The following DACH2 variants were observed in gnomAD, a reference collection of about 807,000 sequenced individuals.
The protein encoded by DACH2 is dachshund family transcription factor 2.
DACH2 carries 17 observed loss-of-function variants against 35.8 expected under a neutral mutation model. The observed-to-expected ratio is 0.48, with a 90% CI of 0.33 to 0.71. DACH2 has a LOEUF of 0.71. Among genes scored for constraint, DACH2 ranks in the 30% least tolerant of loss-of-function variants. The pLI, the probability that DACH2 is intolerant of heterozygous loss-of-function variation, is 0.02. For synonymous variants in DACH2, 195 were observed against 177.3 expected (o/e 1.10, Z -0.79); for missense variants, 469 against 472.7 (o/e 0.99, Z 0.07).
At chrX:86,246,268 T>G (rs2033281560) in intron 1 of DACH2, among the ~76,000 whole-genome samples, 1 of 73,225 alleles carries the variant, frequency 1.4e-5, no homozygotes, top group African/African-American at 6.9e-5. Flanking sequence ...CATGAAAAAT[T>G]TCCCAAACTT....
chrX:86,247,879 G>A (rs1339630547), intron 1 of DACH2, among the ~76,000 whole-genome samples: 1 of 111,278 alleles, frequency 9.0e-6, no homozygotes, highest in Non-Finnish European at 1.9e-5. Context: ...ATGCAAGGTT[G>A]GCTCAACCTA....
intron 4 of DACH2, among the ~76,000 whole-genome samples, chrX:86,679,657 T>A (rs1277322966): frequency 1.0e-5 from 1 of 99,113 alleles, no homozygotes; most frequent in Non-Finnish European, 2.1e-5. Context: ...TGTGTGTGTG[T>A]GTATTCCCAA....
intron 2 of DACH2, among the ~76,000 whole-genome samples, chrX:86,458,844 G>A (rs1181024148): frequency 9.0e-6 from 1 of 110,646 alleles, no homozygotes; most frequent in Non-Finnish European, 1.9e-5. Context: ...CACAGGGAAG[G>A]GAATATCACA....
intron 3 of DACH2, among the ~76,000 whole-genome samples, chrX:86,583,228 A>G (rs2039524816): frequency 9.0e-6 from 1 of 111,511 alleles, no homozygotes; most frequent in African/African-American, 3.3e-5. Context: ...AATAATAGCC[A>G]TCTATGACAA....
chrX:86,387,539 A>AT (rs1200970379), intron 2 of DACH2, among the ~76,000 whole-genome samples: 4 of 111,587 alleles, frequency 3.6e-5, no homozygotes, highest in African/African-American at 6.5e-5. Context: ...AGAAGTCTCT[A>AT]TTTTTTTAAT....
At chrX:86,473,826 C>G (rs1323631002) in intron 2 of DACH2, among the ~76,000 whole-genome samples, 1 of 111,535 alleles carries the variant, frequency 9.0e-6, no homozygotes, top group Non-Finnish European at 1.9e-5. Context: ...TTACACCAAA[C>G]ACAAGAGTGT....
At position 86,280,470 on chromosome X, in the gene DACH2, G is replaced by A. The variant is rs199996076; in HGVS notation, c.489-96354G>A. On this transcript the variant is annotated intron_variant, in intron 1 of 11. Coordinates refer to ENST00000373125, the MANE Select transcript of DACH2 (RefSeq NM_053281.3). Reference sequence around the variant, plus strand: ...TGAAGGAAGCACTAAACATGGAAAGGAGAAACTGGTACTAGTCACTGCAAA... The same window carrying A: ...TGAAGGAAGCACTAAACATGGAAAGAAGAAACTGGTACTAGTCACTGCAAA... Among the ~76,000 whole-genome samples, 39 of 111,991 alleles carry A rather than the reference G, an allele frequency of 3.5e-4. No individual in the cohort carries two copies. In the East Asian group the frequency reaches 9.8e-3, roughly 28 times the overall value.
chrX:86,541,069 G>T (rs1445217602), intron 3 of DACH2, among the ~76,000 whole-genome samples: 1 of 111,808 alleles, frequency 8.9e-6, no homozygotes, highest in Non-Finnish European at 1.9e-5. Flanking sequence ...AATGATTATG[G>T]TGTTATGTTA....
At chrX:86,272,902 G>A (rs773323330) in intron 1 of DACH2, among the ~76,000 whole-genome samples, 2 of 111,539 alleles carry the variant, frequency 1.8e-5, no homozygotes, top group Non-Finnish European at 3.8e-5. Flanking sequence ...GGTTTATGTT[G>A]TATCTGTTGA....
At chrX:86,799,061 G>A in intron 7 of DACH2, 1 of 302,281 alleles carries the variant, frequency 3.3e-6, no homozygotes. Context: ...CTTTCCCAAA[G>A]ATATCTTGGA....
chrX:86,287,967 G>A, intron 1 of DACH2, among the ~76,000 whole-genome samples: 2 of 111,662 alleles, frequency 1.8e-5, no homozygotes, highest in East Asian at 5.7e-4. Context: ...CAGTGTCTGG[G>A]AATTGAAGTG....
At chrX:86,187,951 A>G (rs1569295831) in intron 1 of DACH2, among the ~76,000 whole-genome samples, 1 of 112,020 alleles carries the variant, frequency 8.9e-6, no homozygotes, top group Non-Finnish European at 1.9e-5. Context: ...ATTGCCATAT[A>G]CTTTTATAAT....
chrX:86,630,885 G>T (rs2040193378), intron 3 of DACH2, among the ~76,000 whole-genome samples: 1 of 111,158 alleles, frequency 9.0e-6, no homozygotes. Flanking sequence ...CAAATTCACT[G>T]CCTGATTGTG....
chrX:86,618,986 C>A lies in DACH2; in HGVS notation c.641-32050C>A, dbSNP rs758680441. Among the ~76,000 whole-genome samples, 117 of 112,079 alleles carry A rather than the reference C, an allele frequency of 1.0e-3. No homozygotes were observed. In the Middle Eastern group the frequency reaches 0.014, roughly 13 times the overall value. ...TAGTCTTGCTTTTTAAACACAAAAT[C>A]TCATGTATTTTCTCCCATATAGTCC... On this transcript the variant is annotated intron_variant, in intron 3 of 11. Coordinates refer to ENST00000373125, the MANE Select transcript of DACH2 (RefSeq NM_053281.3).
chrX:86,383,298 GTATT>G (rs372973780), intron 2 of DACH2, among the ~76,000 whole-genome samples: 59 of 109,023 alleles, frequency 5.4e-4, no homozygotes, highest in African/African-American at 1.9e-3. Flanking sequence ...CAGTTGCTCA[GTATT>G]TATTAAAAAA....
intron 1 of DACH2, among the ~76,000 whole-genome samples, chrX:86,203,834 A>T (rs779784056): frequency 9.0e-6 from 1 of 111,365 alleles, no homozygotes; most frequent in Admixed American, 9.6e-5. Context: ...AGACAAGAAT[A>T]GAGTTTGGGA....
intron 2 of DACH2, among the ~76,000 whole-genome samples, chrX:86,441,471 G>A (rs1357463183): frequency 5.8e-5 from 5 of 86,231 alleles, no homozygotes; most frequent in Non-Finnish European, 6.5e-5. Flanking sequence ...TGACTGAAAA[G>A]TATTCCACTG....
At position 86,811,944 on chromosome X, in the gene DACH2, C is replaced by T. The variant is rs370507237; in HGVS notation, c.1241-912C>T. 2.7e-5 allele frequency among the ~76,000 whole-genome samples: 3 copies of T among 110,981 alleles called. No homozygotes were observed. The South Asian group carries it at 1.1e-3, about 42-fold the overall frequency. On this transcript the variant is annotated intron_variant, in intron 7 of 11. Transcript: ENST00000373125. Reference sequence around the variant, plus strand: ...AGAGTAATGAGAATATTGAAGAATACAACATAAAAATAAAAGAGAGAATAG... The same window carrying T: ...AGAGTAATGAGAATATTGAAGAATATAACATAAAAATAAAAGAGAGAATAG...
chrX:86,327,096 A>G (rs2035129374), intron 1 of DACH2, among the ~76,000 whole-genome samples: 1 of 112,110 alleles, frequency 8.9e-6, no homozygotes, highest in African/African-American at 3.2e-5. Flanking sequence ...CTGAGGGATA[A>G]AATTATACAA....
Sources: allele counts gnomAD v4.1 joint callset (sites outside exome capture counted in the v4.1 genomes callset), GRCh38; gene constraint gnomAD v4.1.1; transcripts MANE v1.5; gene names NCBI Gene and HGNC (gene_info 2026-07-23, HGNC 2026-07-21).